The following PREX2 variants were observed in gnomAD, a reference collection of about 807,000 sequenced individuals.
The protein encoded by PREX2 is phosphatidylinositol-3,4,5-trisphosphate dependent Rac exchange factor 2.
PREX2 carries 107 observed loss-of-function variants against 203.2 expected under a neutral mutation model. The ratio of observed to expected loss-of-function variants is 0.53; its 90% CI spans 0.45 to 0.62. The LOEUF (loss-of-function observed/expected upper bound fraction) is 0.62, where lower values mean the gene tolerates loss of function less well. Among genes scored for constraint, PREX2 ranks in the 20% least tolerant of loss-of-function variants. PREX2 has a pLI of 0.00. For missense variants in PREX2, 1,777 were observed against 1,955.9 expected (o/e 0.91, Z 1.72); for synonymous variants, 672 against 663.6 (o/e 1.01, Z -0.19).
intron 15 of PREX2, among the ~76,000 whole-genome samples, 192 bp downstream of exon 15, chr8:68,077,661 T>C (rs544007896): frequency 6.6e-6 from 1 of 152,192 alleles, no homozygotes; most frequent in African/African-American, 2.4e-5. Flanking sequence ...CTATGTCTAA[T>C]TGCTGTTACC....
intron 34 of PREX2, among the ~76,000 whole-genome samples, chr8:68,156,014 A>G (rs1033679938): frequency 6.6e-6 from 1 of 152,170 alleles, no homozygotes; most frequent in African/African-American, 2.4e-5. Context: ...GTGAATATGC[A>G]TGGGGAGTGA....
chr8:68,114,375 C>T (rs1374437784), intron 25 of PREX2: 3 of 481,594 alleles, frequency 6.2e-6, no homozygotes, highest in Non-Finnish European at 1.3e-5. Context: ...AAGATATGTG[C>T]TACTGATTGG....
At chr8:68,156,922 T>A (rs1811591435) in intron 34 of PREX2, among the ~76,000 whole-genome samples, 1 of 152,130 alleles carries the variant, frequency 6.6e-6, no homozygotes, top group Non-Finnish European at 1.5e-5. Flanking sequence ...GTTTTCAGAG[T>A]TTCTCCTGTG....
intron 1 of PREX2, among the ~76,000 whole-genome samples, chr8:67,965,954 A>G (rs1380081714): frequency 1.3e-5 from 2 of 152,186 alleles, no homozygotes; most frequent in Admixed American, 6.5e-5. Flanking sequence ...TAATTCTCAC[A>G]TGTAAGTTGG....
intron 35 of PREX2, among the ~76,000 whole-genome samples, chr8:68,180,637 G>A (rs1812065994): frequency 6.6e-6 from 1 of 152,108 alleles, no homozygotes; most frequent in African/African-American, 2.4e-5. Context: ...AAGTAGGTGA[G>A]CACCAACAAG....
rs1030752 is a variant in PREX2 at position 68,083,233 on chromosome 8, C to A, written c.1879-7C>A. 2.5e-6 allele frequency: 4 copies of A among 1,572,602 alleles called. No homozygotes were observed. The Admixed American group carries it at 7.2e-5, about 28-fold the overall frequency. On this transcript the variant is annotated splice_polypyrimidine_tract_variant and splice_region_variant and intron_variant, in intron 17 of 39. Coordinates refer to ENST00000288368, the MANE Select transcript of PREX2 (RefSeq NM_024870.4). ...CTTTGACTTATTTTTTGTAATTTCT[C>A]TCTTAGATGGCTGGCATGGAAGTCG... is the stretch of plus-strand genomic sequence containing the variant.
At chr8:68,176,067 T>G (rs1192571350) in intron 35 of PREX2, among the ~76,000 whole-genome samples, 1 of 152,100 alleles carries the variant, frequency 6.6e-6, no homozygotes, top group African/African-American at 2.4e-5. Flanking sequence ...TCCCAGAACT[T>G]GGGAGATTGT....
chr8:68,192,450 T>A lies in PREX2; in HGVS notation c.4529T>A (p.Leu1510Gln). ...GCTTGCAGTGCTTCTGGGGTTGGACTGCTGTCAGTTTCCTCGGAGCTGTGC... is the reference window on the plus strand; with the variant it reads ...GCTTGCAGTGCTTCTGGGGTTGGACAGCTGTCAGTTTCCTCGGAGCTGTGC... ...NTACSASGVG[L>Q]LSVSSELCNR... Residue 1510 changes from leucine (L) to glutamine (Q), a missense_variant, in exon 37 of 40, where the codon CTG (leucine) becomes CAG (glutamine). Coordinates refer to ENST00000288368, the MANE Select transcript of PREX2 (RefSeq NM_024870.4). The A allele has an allele frequency of 6.2e-7, 1 of 1,614,056 alleles. No homozygotes were observed. Among genetic ancestry groups the A allele is most frequent in the Non-Finnish European group, 8.5e-7 (1 of 1,179,988 alleles).
At chr8:68,172,750 T>C (rs1194337944) in intron 35 of PREX2, among the ~76,000 whole-genome samples, 1 of 152,042 alleles carries the variant, frequency 6.6e-6, no homozygotes, top group Non-Finnish European at 1.5e-5. Flanking sequence ...AAGGAGAAAT[T>C]GTAGTTATGG....
chr8:67,988,487 G>A lies in PREX2; in HGVS notation c.142-29359G>A, dbSNP rs1806501447. Among the ~76,000 whole-genome samples the A allele has an allele frequency of 2.6e-5, 4 of 152,136 alleles. No individual in the cohort carries two copies. In the South Asian group the frequency reaches 6.2e-4, roughly 24 times the overall value. ...TTCACAGGGAAGCCAGGCATCCACCGAGGTCCTACAACTGAGAGTCCCATG... is the reference window on the plus strand; with the variant it reads ...TTCACAGGGAAGCCAGGCATCCACCAAGGTCCTACAACTGAGAGTCCCATG... On this transcript the variant is annotated intron_variant, in intron 1 of 39. Transcript: ENST00000288368.
At chr8:68,086,488 G>A (rs1809696253) in intron 18 of PREX2, among the ~76,000 whole-genome samples, 1 of 152,120 alleles carries the variant, frequency 6.6e-6, no homozygotes, top group Non-Finnish European at 1.5e-5. Flanking sequence ...CATCTTTTGG[G>A]AAACACTTTT....
At chr8:68,139,023 G>C (rs1300979021) in intron 33 of PREX2, among the ~76,000 whole-genome samples, 1 of 152,064 alleles carries the variant, frequency 6.6e-6, no homozygotes, top group African/African-American at 2.4e-5. Context: ...TGTATCAAAA[G>C]CTCCTTAAAT....
At chr8:67,973,215 T>A (rs55892812) in intron 1 of PREX2, among the ~76,000 whole-genome samples, 1 of 152,020 alleles carries the variant, frequency 6.6e-6, no homozygotes, top group African/African-American at 2.4e-5. Flanking sequence ...CAACAAACAT[T>A]CTCAGATTAA....
chr8:68,160,419 T>A (rs534392685), intron 35 of PREX2, among the ~76,000 whole-genome samples: 1 of 152,204 alleles, frequency 6.6e-6, no homozygotes, highest in Non-Finnish European at 1.5e-5. Context: ...TTATCACTGA[T>A]AACATATATC....
At chr8:68,171,364 A>T (rs1056831305) in intron 35 of PREX2, among the ~76,000 whole-genome samples, 62 of 152,310 alleles carry the variant, frequency 4.1e-4, no homozygotes, top group Middle Eastern at 3.4e-3. Context: ...TACTAATCTG[A>T]GAACCATGTA....
intron 32 of PREX2, among the ~76,000 whole-genome samples, chr8:68,135,495 A>G (rs1338388987): frequency 1.3e-5 from 2 of 152,330 alleles, no homozygotes; most frequent in African/African-American, 4.8e-5. Flanking sequence ...ATCATTAGCC[A>G]TTAGAGAAAT....
chr8:68,211,629 G>A (rs532706187), intron 37 of PREX2, among the ~76,000 whole-genome samples: 24 of 152,188 alleles, frequency 1.6e-4, no homozygotes, highest in Non-Finnish European at 2.9e-4. Flanking sequence ...CCTGGGTACA[G>A]CTCCATAAGA....
At chr8:68,079,485 G>C (rs566041007) in intron 15 of PREX2, among the ~76,000 whole-genome samples, 2 of 152,232 alleles carry the variant, frequency 1.3e-5, no homozygotes, top group East Asian at 3.9e-4. Flanking sequence ...AAACTCAGAG[G>C]GATTAAGTAA....
At chr8:68,159,431 C>T (rs1403689829) in intron 35 of PREX2, among the ~76,000 whole-genome samples, 4 of 152,158 alleles carry the variant, frequency 2.6e-5, no homozygotes, top group African/African-American at 9.6e-5. Flanking sequence ...GGGACTTCCA[C>T]AGTAGCTTTA....
Sources: allele counts gnomAD v4.1 joint callset (sites outside exome capture counted in the v4.1 genomes callset), GRCh38; gene constraint gnomAD v4.1.1; transcripts MANE v1.5; gene names NCBI Gene and HGNC (gene_info 2026-07-23, HGNC 2026-07-21).